Variants in SOX5 observed in about 807,000 individuals in gnomAD.
SOX5 encodes transcription factor SOX-5.
In SOX5, 9 loss-of-function variants were observed where a neutral mutation model predicts 92.0. The observed-to-expected ratio is 0.10, with a 90% CI of 0.06 to 0.17. SOX5 has a LOEUF of 0.17. Among genes scored for constraint, SOX5 ranks in the 10% least tolerant of loss-of-function variants. The pLI is 1.00. For synonymous variants in SOX5, 344 were observed against 336.3 expected, an observed-to-expected ratio of 1.02 and a Z score of -0.25; for missense variants, 642 against 944.5, an observed-to-expected ratio of 0.68 and a Z score of 4.20.
intron 3 of SOX5, among the ~76,000 whole-genome samples, chr12:24,252,007 A>T (rs1227524866): frequency 3.9e-5 from 6 of 152,094 alleles, no homozygotes; most frequent in Middle Eastern, 3.4e-3. Context: ...TAAATTTGCC[A>T]GCTTAAGTTT....
At chr12:24,347,993 G>A (rs1383885319) in intron 2 of SOX5, among the ~76,000 whole-genome samples, 2 of 141,528 alleles carry the variant, frequency 1.4e-5, no homozygotes, top group African/African-American at 5.5e-5. Flanking sequence ...CAAGACAGAC[G>A]GATATAAAGG....
rs1938721549 is a variant in SOX5 at position 23,530,449 on chromosome 12, A to G, written c.*3770T>C. On this transcript the variant is annotated 3_prime_UTR_variant, in exon 15 of 15. Coordinates refer to ENST00000451604, the MANE Select transcript of SOX5 (RefSeq NM_006940.6). ...CAAATCTATAAAATAGCTTCACCACAGAAAACTTTTTTATATTTGTTCTTT... is the reference window on the plus strand; with the variant it reads ...CAAATCTATAAAATAGCTTCACCACGGAAAACTTTTTTATATTTGTTCTTT... 1 of 151,508 alleles carries G rather than the reference A, an allele frequency of 6.6e-6. No individual in the cohort carries two copies. Among genetic ancestry groups the G allele is most frequent in the African/African-American group, 2.4e-5 (1 of 41,280 alleles). The allele number at this position is 151,508 out of a possible 1,614,324, so 9.4% of individuals were successfully genotyped here. A position where few individuals can be genotyped will look rare whatever the true frequency, so the allele number is the denominator to read the frequency against.
In SOX5 at chr12:23,917,312, G is replaced by A. The variant is rs550513188; in HGVS notation, c.39-21288C>T. ...TCCTAGCACTTTGGGAGGCTGAGGCGGGCAAATCACATGATGCCAAGAGTT... is the reference window on the plus strand; with the variant it reads ...TCCTAGCACTTTGGGAGGCTGAGGCAGGCAAATCACATGATGCCAAGAGTT... On this transcript the variant is annotated intron_variant, in intron 1 of 14. Transcript: ENST00000451604. Among the ~76,000 whole-genome samples, 116 of 152,096 alleles carry A rather than the reference G, an allele frequency of 7.6e-4. 1 individual carries two copies. The highest frequency in any genetic ancestry group is 1.4e-3 in the East Asian group (7 of 5,158).
At chr12:23,715,821 A>AAAAAAAAAC (rs1567181217) in intron 6 of SOX5, among the ~76,000 whole-genome samples, 5,557 of 143,088 alleles carry the variant, frequency 0.039, 349 homozygotes, top group African/African-American at 0.15. Flanking sequence ...AAAAAAAAAA[A>AAAAAAAAAC]AAAAAAAAAA....
chr12:24,086,243 T>C (rs544919023), intron 4 of SOX5, among the ~76,000 whole-genome samples: 2 of 151,784 alleles, frequency 1.3e-5, no homozygotes, highest in South Asian at 2.1e-4. Context: ...AAACCCCTAG[T>C]TGGAAATAAT....
At chr12:24,224,946 A>G (rs1185240842) in intron 3 of SOX5, among the ~76,000 whole-genome samples, 1 of 152,148 alleles carries the variant, frequency 6.6e-6, no homozygotes, top group Non-Finnish European at 1.5e-5. Context: ...CTCTTTACAC[A>G]GCATTCTCCC....
At chr12:23,629,155 C>A (rs1464957018) in intron 8 of SOX5, among the ~76,000 whole-genome samples, 1 of 151,968 alleles carries the variant, frequency 6.6e-6, no homozygotes. Flanking sequence ...AGAATTAATT[C>A]ACAGAGCACA....
intron 1 of SOX5, among the ~76,000 whole-genome samples, chr12:24,457,033 A>G (rs1943095425): frequency 6.6e-6 from 1 of 152,258 alleles, no homozygotes; most frequent in Admixed American, 6.5e-5. Context: ...GCCAAATGCC[A>G]TACATTGTTT....
chr12:23,981,504 G>C (rs554700084), intron 4 of SOX5, among the ~76,000 whole-genome samples: 2 of 152,262 alleles, frequency 1.3e-5, no homozygotes, highest in Admixed American at 6.5e-5. Flanking sequence ...CAGGAATAAT[G>C]AGCAGAGATG....
At position 23,935,798 on chromosome 12, in the gene SOX5, T is replaced by C. The variant is rs566683192; in HGVS notation, c.38+13766A>G. 2.3e-4 allele frequency among the ~76,000 whole-genome samples: 35 copies of C among 151,268 alleles called. No homozygotes were observed. In the East Asian group the frequency reaches 6.4e-3, roughly 28 times the overall value. ...AATATAATACCTGGTATAGTAGGAATTTAAAATGTAGTTGTTGAATAAATA... is the reference window on the plus strand; with the variant it reads ...AATATAATACCTGGTATAGTAGGAACTTAAAATGTAGTTGTTGAATAAATA... On this transcript the variant is annotated intron_variant, in intron 1 of 14. Transcript: ENST00000451604.
intron 4 of SOX5, among the ~76,000 whole-genome samples, chr12:24,063,736 TA>T (rs1940164639): frequency 6.6e-6 from 1 of 152,186 alleles, no homozygotes; most frequent in South Asian, 2.1e-4. Context: ...CTAATACACA[TA>T]AGGCACACGA....
intron 7 of SOX5, among the ~76,000 whole-genome samples, chr12:23,661,258 A>G (rs1277831079): frequency 6.6e-6 from 1 of 152,176 alleles, no homozygotes; most frequent in Non-Finnish European, 1.5e-5. Flanking sequence ...GGAACTTTAT[A>G]CCCATACAGA....
intron 4 of SOX5, among the ~76,000 whole-genome samples, chr12:24,202,074 G>T (rs981672923): frequency 6.6e-6 from 1 of 152,106 alleles, no homozygotes; most frequent in Non-Finnish European, 1.5e-5. Context: ...AAACAGTCTT[G>T]CTAGATCATT....
chr12:24,252,307 A>G (rs927470169), intron 3 of SOX5, among the ~76,000 whole-genome samples: 2 of 152,172 alleles, frequency 1.3e-5, no homozygotes, highest in Non-Finnish European at 2.9e-5. Context: ...GACCTACGAA[A>G]TTTTACCTCT....
chr12:23,649,870 G>A (rs1199261673), intron 7 of SOX5, among the ~76,000 whole-genome samples: 1 of 151,980 alleles, frequency 6.6e-6, no homozygotes, highest in Non-Finnish European at 1.5e-5. Context: ...GAAGGAAAAT[G>A]TGAAATGCAG....
At chr12:23,913,473 C>T (rs575396459) in intron 1 of SOX5, among the ~76,000 whole-genome samples, 9 of 152,090 alleles carry the variant, frequency 5.9e-5, no homozygotes, top group Non-Finnish European at 1.0e-4. Context: ...CACAGTGGCT[C>T]ATGCCTGTAA....
chr12:24,233,178 A>C (rs769409276), intron 3 of SOX5, among the ~76,000 whole-genome samples: 2 of 152,244 alleles, frequency 1.3e-5, no homozygotes, highest in Non-Finnish European at 2.9e-5. Context: ...GATAATAGTC[A>C]CACAAACGAA....
At chr12:23,677,886 C>T (rs1008341108) in intron 6 of SOX5, among the ~76,000 whole-genome samples, 2 of 152,094 alleles carry the variant, frequency 1.3e-5, no homozygotes, top group Non-Finnish European at 2.9e-5. Flanking sequence ...ACAGCTCCCC[C>T]AATTCAACTA....
At chr12:24,426,680 CAT>C (rs911468453) in intron 1 of SOX5, among the ~76,000 whole-genome samples, 13 of 152,132 alleles carry the variant, frequency 8.5e-5, no homozygotes, top group Non-Finnish European at 5.9e-5. Context: ...TCCAGAATTT[CAT>C]ATCTTAGTCT....
Sources: gnomAD v4.1 joint callset for allele counts (sites outside exome capture counted in the v4.1 genomes callset) on GRCh38, gnomAD v4.1.1 for gene constraint, MANE v1.5 for transcripts, NCBI Gene and HGNC (gene_info 2026-07-23, HGNC 2026-07-21) for gene names.